ZNF362: variants seen among roughly 807,000 people sequenced by gnomAD.
ZNF362 encodes the protein zinc finger protein 362, also known as rotund homolog.
Under a neutral mutation model 42.9 loss-of-function variants are expected in ZNF362, and 11 were observed. That is an observed-to-expected ratio of 0.26 (90% CI 0.16 to 0.42). The LOEUF (loss-of-function observed/expected upper bound fraction) is 0.42, where lower values mean the gene tolerates loss of function less well. Ranked by LOEUF, ZNF362 falls within the 20% of genes least tolerant of loss-of-function variation. The pLI, the probability that ZNF362 is intolerant of heterozygous loss-of-function variation, is 1.00. For missense variants in ZNF362, 362 were observed against 576.2 expected (o/e 0.63, Z 3.81); for synonymous variants, 255 against 257.3 (o/e 0.99, Z 0.09).
the ZNF362 span, among the ~76,000 whole-genome samples, chr1:33,172,373 C>T: frequency 6.6e-6 from 1 of 152,020 alleles, no homozygotes; most frequent in African/African-American, 2.4e-5. Flanking sequence ...AGGGGCCCAC[C>T]CTCACGTGTG....
chr1:33,128,203 C>CA, the ZNF362 span, among the ~76,000 whole-genome samples: 20,621 of 83,534 alleles, frequency 0.25, 2,514 homozygotes, highest in Middle Eastern at 0.35. Context: ...CCCACCTCTC[C>CA]AAAAAAAAAA....
rs138449746 is a variant in ZNF362, at chr1:33,286,228, T to C, written c.908+4417T>C. On this transcript the variant is annotated intron_variant, in intron 6 of 8. Transcript: ENST00000539719. ...TTGCATTTGCACCTTGACAATTTTATCTTTCTGAGTGGGGACCTGGATCTG... is the reference window on the plus strand; with the variant it reads ...TTGCATTTGCACCTTGACAATTTTACCTTTCTGAGTGGGGACCTGGATCTG... Among the ~76,000 whole-genome samples the C allele has an allele frequency of 5.3e-3, 803 of 152,332 alleles. 11 individuals are homozygous for C. The highest frequency in any genetic ancestry group is 0.016 in the South Asian group (78 of 4,820).
the ZNF362 span, among the ~76,000 whole-genome samples, chr1:33,232,846 T>C: frequency 1.3e-5 from 2 of 152,222 alleles, no homozygotes; most frequent in Non-Finnish European, 2.9e-5. Context: ...ACTTGTCTGC[T>C]TCTTCAACTG....
the ZNF362 span, among the ~76,000 whole-genome samples, chr1:33,150,950 G>T: frequency 1.3e-5 from 2 of 152,226 alleles, no homozygotes; most frequent in East Asian, 1.9e-4. Context: ...GATATCTAAG[G>T]CGCCTGGGTG....
chr1:33,128,203 CAAA>C, the ZNF362 span, among the ~76,000 whole-genome samples: 9 of 83,684 alleles, frequency 1.1e-4, no homozygotes, highest in African/African-American at 2.6e-4. Flanking sequence ...CCCACCTCTC[CAAA>C]AAAAAAAAAA....
intron 6 of ZNF362, among the ~76,000 whole-genome samples, chr1:33,288,893 C>G (rs887434891): frequency 6.6e-6 from 1 of 151,948 alleles, no homozygotes; most frequent in African/African-American, 2.4e-5. Flanking sequence ...AGGGCTTAGG[C>G]TTGACTTGAA....
At chr1:33,132,398 A>G in the ZNF362 span, among the ~76,000 whole-genome samples, 1 of 152,236 alleles carries the variant, frequency 6.6e-6, no homozygotes, top group Non-Finnish European at 1.5e-5. Context: ...GTGATTGGAC[A>G]TGGCTGTGTT....
At chr1:33,181,461 C>G in the ZNF362 span, 1 of 1,559,258 alleles carries the variant, frequency 6.4e-7, no homozygotes, top group Non-Finnish European at 8.6e-7. The surrounding 1 kb of genome is among the most constrained non-coding windows in gnomAD (Gnocchi z 6.5). Flanking sequence ...GAGGGGGGCC[C>G]GAGGGGCAGG....
chr1:33,259,254 G>T (rs1177978305), intron 1 of ZNF362, among the ~76,000 whole-genome samples: 1 of 152,204 alleles, frequency 6.6e-6, no homozygotes, highest in Non-Finnish European at 1.5e-5. Context: ...GGCAGGAATT[G>T]CTAGTGGATG....
chr1:33,234,443 T>C, the ZNF362 span, among the ~76,000 whole-genome samples: 1 of 152,310 alleles, frequency 6.6e-6, no homozygotes, highest in Non-Finnish European at 1.5e-5. Flanking sequence ...TTGGCTTCTT[T>C]CCACTTAAAA....
At chr1:33,250,916 T>C in the ZNF362 span, among the ~76,000 whole-genome samples, 1 of 103,542 alleles carries the variant, frequency 9.7e-6, no homozygotes, top group Non-Finnish European at 2.1e-5. Flanking sequence ...AGGTGCATGG[T>C]TGATGCTTGA....
At chr1:33,269,252 TTC>T (rs1645885157) in intron 1 of ZNF362, among the ~76,000 whole-genome samples, 1 of 152,140 alleles carries the variant, frequency 6.6e-6, no homozygotes, top group Non-Finnish European at 1.5e-5. Flanking sequence ...ACCAACTACT[TTC>T]TTTCATTTTT....
At chr1:33,282,371 T>C (rs1646002020) in intron 6 of ZNF362, among the ~76,000 whole-genome samples, 1 of 152,234 alleles carries the variant, frequency 6.6e-6, no homozygotes, top group African/African-American at 2.4e-5. Flanking sequence ...GATTCATCCA[T>C]TTAACAAATA....
At chr1:33,246,529 C>T in the ZNF362 span, among the ~76,000 whole-genome samples, 1 of 152,172 alleles carries the variant, frequency 6.6e-6, no homozygotes, top group Non-Finnish European at 1.5e-5. Flanking sequence ...AGAGTGGATG[C>T]TCACATAGGA....
At chr1:33,254,050 CATTATT>C (rs2148049102), upstream of ZNF362, among the ~76,000 whole-genome samples, 1 of 151,742 alleles carries the variant, frequency 6.6e-6, no homozygotes, top group Admixed American at 6.6e-5. Context: ...TTCCTTGACA[CATTATT>C]GTTATTAATA....
upstream of ZNF362, among the ~76,000 whole-genome samples, chr1:33,252,938 A>G (rs1469959390): frequency 3.9e-5 from 6 of 152,112 alleles, no homozygotes; most frequent in Non-Finnish European, 7.4e-5. Flanking sequence ...CTGTCCATCC[A>G]TTCAGCAAAC....
the ZNF362 span, among the ~76,000 whole-genome samples, chr1:33,233,561 G>A: frequency 2.0e-5 from 3 of 152,178 alleles, no homozygotes; most frequent in East Asian, 3.9e-4. Flanking sequence ...ATGCCACCAC[G>A]CCCAGCTAAT....
chr1:33,244,980 G>A, the ZNF362 span, among the ~76,000 whole-genome samples: 8 of 152,216 alleles, frequency 5.3e-5, no homozygotes, highest in Admixed American at 5.2e-4. This position sits in a 1 kb window ranked among gnomAD's most constrained non-coding sequence, Gnocchi z 4.0. Flanking sequence ...CCTCAGCTCT[G>A]CAGAAGCAGA....
chr1:33,184,710 T>C, the ZNF362 span, among the ~76,000 whole-genome samples: 1 of 152,190 alleles, frequency 6.6e-6, no homozygotes, highest in Non-Finnish European at 1.5e-5. Flanking sequence ...AAACTTATTT[T>C]CTAAGAGCCA....
Sources: gnomAD v4.1 joint callset for allele counts (sites outside exome capture counted in the v4.1 genomes callset) on GRCh38, gnomAD v4.1.1 for gene constraint, Gnocchi (gnomAD v3.1) non-coding constraint, MANE v1.5 for transcripts, NCBI Gene and HGNC (gene_info 2026-07-23, HGNC 2026-07-21) for gene names.